TPCN1: variants seen among roughly 807,000 people sequenced by gnomAD.
TPCN1 encodes the protein two pore channel protein 1.
Under a neutral mutation model 108.8 loss-of-function variants are expected in TPCN1, and 52 were observed. The observed-to-expected ratio is 0.48, with a 90% confidence interval of 0.38 to 0.60. The LOEUF is 0.60. TPCN1 is among the 20% of genes least tolerant of loss of function. The probability of loss-of-function intolerance (pLI) is 0.00; values close to 1 mark genes in which losing one functional copy is unlikely to be tolerated. For synonymous variants in TPCN1, 446 were observed against 433.7 expected, an observed-to-expected ratio of 1.03 and a Z score of -0.35; for missense variants, 806 against 1,072.8, an observed-to-expected ratio of 0.75 and a Z score of 3.47.
At chr12:113,260,661 G>A (rs1954996373) in intron 3 of TPCN1, among the ~76,000 whole-genome samples, 169 bp downstream of exon 3, 1 of 152,118 alleles carries the variant, frequency 6.6e-6, no homozygotes, top group African/African-American at 2.4e-5. Context: ...TGTGCTCATA[G>A]GGGAAAACTG....
chr12:113,269,650 G>A lies in TPCN1; in HGVS notation c.660-107G>A, dbSNP rs1052036384. 1.1e-6 allele frequency: 1 copy of A among 948,900 alleles called. No individual in the cohort carries two copies. Among genetic ancestry groups the A allele is most frequent in the Non-Finnish European group, 1.6e-6 (1 of 611,940 alleles). The allele number at this position is 948,900 out of a possible 1,614,324, so 58.8% of individuals were successfully genotyped here. ...TGATGTCACACCAGAGTGCGTCAGGGTTTAGTATTTCGAGTCAGAAGCACT... is the reference window on the plus strand; with the variant it reads ...TGATGTCACACCAGAGTGCGTCAGGATTTAGTATTTCGAGTCAGAAGCACT... On this transcript the variant is annotated intron_variant, in intron 6 of 27. Transcript: ENST00000335509. The surrounding 1 kb of genome is among the most constrained non-coding windows in gnomAD (Gnocchi z 5.0).
intron 2 of TPCN1, among the ~76,000 whole-genome samples, chr12:113,250,613 A>C (rs1954595777): frequency 6.6e-6 from 1 of 152,256 alleles, no homozygotes; most frequent in Admixed American, 6.5e-5. Flanking sequence ...TGCTAAACAA[A>C]GGAGTAGATG....
intron 27 of TPCN1, among the ~76,000 whole-genome samples, chr12:113,293,796 C>T (rs1566209881): frequency 6.6e-6 from 1 of 152,188 alleles, no homozygotes; most frequent in Non-Finnish European, 1.5e-5. Flanking sequence ...CCAGCCCCAG[C>T]GAGTGCTGCC....
chr12:113,281,827 G>T (rs1489922009), intron 15 of TPCN1, among the ~76,000 whole-genome samples: 1 of 151,630 alleles, frequency 6.6e-6, no homozygotes, highest in Non-Finnish European at 1.5e-5. Context: ...GTGTGAGCCA[G>T]TGTGCTTGGC....
In TPCN1 at chr12:113,266,384, G is replaced by T; in HGVS notation, c.414+28G>T. ...GAGCGCACATGCTCCTCATACGGGG[G>T]GCTGGGAGCCACGGCTTTCAGGGCA... On this transcript the variant is annotated intron_variant, in intron 4 of 27. Transcript: ENST00000335509. The surrounding 1 kb of genome is among the most constrained non-coding windows in gnomAD (Gnocchi z 4.2). 6.3e-7 allele frequency: 1 copy of T among 1,597,124 alleles called. No homozygotes were observed. Among genetic ancestry groups the T allele is most frequent in the Non-Finnish European group, 8.5e-7 (1 of 1,176,782 alleles).
At chr12:113,263,965 G>A (rs1955145121) in intron 3 of TPCN1, among the ~76,000 whole-genome samples, 1 of 152,128 alleles carries the variant, frequency 6.6e-6, no homozygotes, top group Admixed American at 6.5e-5. Context: ...CATCTCTTCT[G>A]GGACAACTCC....
intron 2 of TPCN1, among the ~76,000 whole-genome samples, chr12:113,237,017 G>A (rs1198679811): frequency 6.6e-6 from 1 of 152,192 alleles, no homozygotes; most frequent in East Asian, 1.9e-4. Context: ...GCTGATGGCA[G>A]GAGTTTGGAC....
rs939058433 is a variant in TPCN1 at position 113,228,005 on chromosome 12, C to T, written c.112+1041C>T. 2.6e-5 allele frequency among the ~76,000 whole-genome samples: 4 copies of T among 152,300 alleles called. No individual in the cohort carries two copies. In the East Asian group the frequency reaches 5.8e-4, roughly 22 times the overall value. The stretch of plus-strand genomic sequence containing the variant: ...CAGAGCTGGATTGCCCAGAAGGATT[C>T]GAACATAAACTTGATTTTTCCCCAA... On this transcript the variant is annotated intron_variant, in intron 2 of 27. Transcript: ENST00000335509.
Position 113,269,825 on chromosome 12 carries a change from T to A in TPCN1, c.728T>A (p.Met243Lys). Residue 243 changes from methionine (M) to lysine (K), a missense_variant, in exon 7 of 28, where the codon ATG (methionine) becomes AAG (lysine). Coordinates refer to ENST00000335509, the MANE Select transcript of TPCN1 (RefSeq NM_017901.6). The surrounding 1 kb of genome is among the most constrained non-coding windows in gnomAD (Gnocchi z 5.0). ...MDILLLLLFF[M>K]IIFAILGFYL... ...ATCCTCCTGCTGCTGCTGTTCTTCA[T>A]GATCATCTTTGCCATCCTCGGTGAG... 1 of 1,614,032 alleles carries A rather than the reference T, an allele frequency of 6.2e-7. No homozygotes were observed. The highest frequency in any genetic ancestry group is 1.1e-5 in the South Asian group (1 of 91,070).
rs147435178 is a variant in TPCN1, at chr12:113,288,795, G to A, written c.1744G>A (p.Ala582Thr). The change falls in exon 21 of 28, where the codon GCC becomes ACC. Residue 582 changes from alanine (A) to threonine (T), a missense_variant. Ala to Thr is a moderately conservative substitution (Grantham distance 58). Transcript: ENST00000335509. The surrounding 1 kb of genome is among the most constrained non-coding windows in gnomAD (Gnocchi z 4.8). ...CCTGCTCATCTTTTACTACTCCTTC[G>A]CCATCGTGGGCATGGAGTTCTTCTG... ...LTLLIFYYSFAIVGMEFFCGI... is the reference protein window; with the variant it reads ...LTLLIFYYSFTIVGMEFFCGI... 8.1e-6 allele frequency: 13 copies of A among 1,613,176 alleles called. No homozygotes were observed. The highest frequency in any genetic ancestry group is 1.1e-5 in the South Asian group (1 of 91,086).
chr12:113,293,331 G>A lies in TPCN1; in HGVS notation c.2316G>A (p.Met772Ile). 3 of 1,614,066 alleles carry A rather than the reference G, an allele frequency of 1.9e-6. No homozygotes were observed. Among genetic ancestry groups the A allele is most frequent in the Non-Finnish European group, 1.7e-6 (2 of 1,180,026 alleles). ...CCAAGAGCGACCTGAGCCTGAAGAT[G>A]TACCAGGAGGAGATCCAGGTAGGAG... is the stretch of plus-strand genomic sequence containing the variant. ...SRTKSDLSLKMYQEEIQEWYE... is the reference protein window; with the variant it reads ...SRTKSDLSLKIYQEEIQEWYE... The change falls in exon 27 of 28, where the codon ATG (methionine) becomes ATA (isoleucine). Residue 772 changes from methionine to isoleucine, a missense_variant. Coordinates refer to ENST00000335509, the MANE Select transcript of TPCN1 (RefSeq NM_017901.6).
chr12:113,251,054 G>C (rs1954613804), intron 2 of TPCN1, among the ~76,000 whole-genome samples: 1 of 152,004 alleles, frequency 6.6e-6, no homozygotes, highest in African/African-American at 2.4e-5. Flanking sequence ...TGTAATCCTA[G>C]AACTCTGGGA....
Position 113,296,900 on chromosome 12 carries a change from T to A in TPCN1, c.*824T>A, listed in dbSNP as rs1192521755. Reference sequence around the variant, plus strand: ...AATGGGCTCTTGACCAAATCCCTTTTTTTGCGATTTACCCGTTCAAGCAAA... The same window carrying A: ...AATGGGCTCTTGACCAAATCCCTTTATTTGCGATTTACCCGTTCAAGCAAA... On this transcript the variant is annotated 3_prime_UTR_variant, in exon 28 of 28. Coordinates refer to ENST00000335509, the MANE Select transcript of TPCN1 (RefSeq NM_017901.6). The A allele has an allele frequency of 6.6e-6, 1 of 152,224 alleles. No homozygotes were observed. Among genetic ancestry groups the A allele is most frequent in the African/African-American group, 2.4e-5 (1 of 41,446 alleles). The allele number at this position is 152,224 out of a possible 1,614,324, so 9.4% of individuals were successfully genotyped here.
Position 113,280,166 on chromosome 12 carries a change from T to G in TPCN1, c.1313T>G (p.Val438Gly), listed in dbSNP as rs1237504240. 1.9e-6 allele frequency: 3 copies of G among 1,608,770 alleles called. No homozygotes were observed. The highest frequency in any genetic ancestry group is 1.3e-5 in the African/African-American group (1 of 75,016). Residue 438 changes from valine (V) to glycine (G), a missense_variant, in exon 15 of 28, where the codon GTG becomes GGG. Transcript: ENST00000335509. ...LLIFKGINIL[V>G]KSKAFQYFMY... ...CTTCAAATAGGTATTAATATCCTTG[T>G]GAAGTCCAAGGCCTTCCAGTATTTC...
At chr12:113,279,378 TATATATATATA>T (rs1460719433) in intron 14 of TPCN1, among the ~76,000 whole-genome samples, 3 of 31,832 alleles carry the variant, frequency 9.4e-5, no homozygotes, top group African/African-American at 4.2e-4. Context: ...TATATATATA[TATATATATATA>T]TATTTTTTTT....
intron 2 of TPCN1, among the ~76,000 whole-genome samples, chr12:113,233,695 G>A (rs1192346440): frequency 1.3e-5 from 2 of 152,336 alleles, no homozygotes; most frequent in East Asian, 3.9e-4. Flanking sequence ...TGGCCTGTGG[G>A]TGTTGAGCCC....
chr12:113,278,722 C>A, intron 13 of TPCN1, 50 bp from the exon 14 acceptor site: 2 of 1,521,020 alleles, frequency 1.3e-6, no homozygotes, highest in Non-Finnish European at 1.8e-6. Context: ...CCAGGCAGGG[C>A]CCTGGTCCCT....
rs189278667 is a variant in TPCN1 at position 113,265,210 on chromosome 12, G to A, written c.238-970G>A. Among the ~76,000 whole-genome samples the A allele has an allele frequency of 1.4e-3, 214 of 152,290 alleles. 1 individual carries two copies. The highest frequency in any genetic ancestry group is 5.0e-3 in the African/African-American group (207 of 41,572). On this transcript the variant is annotated intron_variant, in intron 3 of 27. Coordinates refer to ENST00000335509, the MANE Select transcript of TPCN1 (RefSeq NM_017901.6). ...TTCTGGTAATGTTCATATAACTTAC[G>A]ATAATAGCAAATACCTGTAGTGAGC...
At chr12:113,239,738 C>T (rs181886136) in intron 2 of TPCN1, among the ~76,000 whole-genome samples, 2 of 152,230 alleles carry the variant, frequency 1.3e-5, no homozygotes, top group Non-Finnish European at 2.9e-5. Flanking sequence ...TCGAACTCCC[C>T]AGGAGCCCAC....
Sources: allele counts gnomAD v4.1 joint callset (sites outside exome capture counted in the v4.1 genomes callset), GRCh38; gene constraint gnomAD v4.1.1; non-coding constraint Gnocchi (gnomAD v3.1); transcripts MANE v1.5; gene names NCBI Gene and HGNC (gene_info 2026-07-23, HGNC 2026-07-21).